Variants in SYCP1 observed in about 807,000 individuals in gnomAD.
SYCP1 encodes the protein synaptonemal complex protein 1.
Under a neutral mutation model 153.1 loss-of-function variants are expected in SYCP1, and 64 were observed. The ratio of observed to expected loss-of-function variants is 0.42; its 90% confidence interval spans 0.34 to 0.51. The LOEUF is 0.51. SYCP1 is among the 20% of genes least tolerant of loss of function. SYCP1 has a pLI of 0.06. For missense variants in SYCP1, 997 were observed against 1,049.0 expected, an observed-to-expected ratio of 0.95 and a Z score of 0.68; for synonymous variants, 384 against 341.8, an observed-to-expected ratio of 1.12 and a Z score of -1.36.
intron 27 of SYCP1, among the ~76,000 whole-genome samples, chr1:114,966,337 G>C (rs960653291): frequency 6.6e-6 from 1 of 151,244 alleles, no homozygotes; most frequent in Non-Finnish European, 1.5e-5. Flanking sequence ...TTCATGTCTC[G>C]ATGTCCTTCA....
intron 27 of SYCP1, among the ~76,000 whole-genome samples, chr1:114,966,051 T>G (rs1356841021): frequency 2.0e-5 from 3 of 152,196 alleles, no homozygotes; most frequent in African/African-American, 7.2e-5. Context: ...GGGATTTGAC[T>G]TCTCCCTGGT....
chr1:114,931,372 A>C (rs1669619045), intron 23 of SYCP1, among the ~76,000 whole-genome samples: 3 of 152,140 alleles, frequency 2.0e-5, no homozygotes. Context: ...AGATTAGTAA[A>C]TGAATTTGAC....
At chr1:114,981,660 A>C (rs2101950064) in intron 29 of SYCP1, 148 bp downstream of exon 29, 2 of 731,304 alleles carry the variant, frequency 2.7e-6, no homozygotes, top group East Asian at 5.9e-5. Flanking sequence ...ATGAAATGTA[A>C]AGACAAGGTC....
chr1:114,922,834 C>A (rs1434614246), intron 20 of SYCP1, among the ~76,000 whole-genome samples: 1 of 152,132 alleles, frequency 6.6e-6, no homozygotes, highest in Non-Finnish European at 1.5e-5. Context: ...TGAGACAAGG[C>A]AAATCCCCTC....
chr1:114,945,219 A>G (rs1670633944), intron 25 of SYCP1, among the ~76,000 whole-genome samples: 1 of 151,996 alleles, frequency 6.6e-6, no homozygotes, highest in Non-Finnish European at 1.5e-5. Context: ...ATCTGTGATG[A>G]ATGGAAGTAA....
intron 16 of SYCP1, among the ~76,000 whole-genome samples, chr1:114,898,681 T>C (rs1326654254): frequency 1.3e-5 from 2 of 152,182 alleles, no homozygotes; most frequent in Admixed American, 6.5e-5. Flanking sequence ...AAAAAACAAA[T>C]CATGATAGGA....
chr1:114,857,382 ATTG>A, intron 4 of SYCP1, 59 bp from the exon 5 acceptor site: 2 of 1,529,546 alleles, frequency 1.3e-6, no homozygotes, highest in Non-Finnish European at 1.8e-6. Flanking sequence ...TCTGTATTTA[ATTG>A]TTATTATTTA....
intron 23 of SYCP1, among the ~76,000 whole-genome samples, chr1:114,932,662 C>G (rs1258525307): frequency 6.6e-6 from 1 of 152,200 alleles, no homozygotes; most frequent in African/African-American, 2.4e-5. Flanking sequence ...CCAAGAGAAG[C>G]CGTGACTGAT....
At chr1:114,934,572 A>G (rs1258231194) in intron 23 of SYCP1, among the ~76,000 whole-genome samples, 2 of 152,330 alleles carry the variant, frequency 1.3e-5, no homozygotes, top group South Asian at 2.1e-4. Context: ...TTAACCTTAA[A>G]TGTAAATGGG....
At position 114,976,366 on chromosome 1, in the gene SYCP1, C is replaced by T. The variant is rs898644845; in HGVS notation, c.2323-1191C>T. ...TTACTTATTCAGATTAAATAGGAAC[C>T]TTAGTGGTCTGGCCATCTCTTTGGT... On this transcript the variant is annotated intron_variant, in intron 27 of 31. Coordinates refer to ENST00000369522, the MANE Select transcript of SYCP1 (RefSeq NM_003176.4). Among the ~76,000 whole-genome samples the T allele has an allele frequency of 7.9e-5, 12 of 151,858 alleles. No homozygotes were observed. In the East Asian group the frequency reaches 2.1e-3, roughly 27 times the overall value.
intron 27 of SYCP1, among the ~76,000 whole-genome samples, chr1:114,961,003 T>A (rs1671750026): frequency 6.6e-6 from 1 of 152,206 alleles, no homozygotes; most frequent in Admixed American, 6.6e-5. Context: ...ATTGGCAGTT[T>A]TTAAAAATTA....
At chr1:114,873,629 C>A (rs756212710) in intron 8 of SYCP1, among the ~76,000 whole-genome samples, 1 of 152,190 alleles carries the variant, frequency 6.6e-6, no homozygotes, top group East Asian at 1.9e-4. Context: ...TAGTTCAAAA[C>A]GGCTTTTCCT....
intron 13 of SYCP1, 53 bp from the exon 14 acceptor site, chr1:114,886,072 T>C: frequency 7.8e-7 from 1 of 1,274,144 alleles, no homozygotes; most frequent in Non-Finnish European, 1.1e-6. Context: ...GTTCAGCTTT[T>C]TTGGTTAAGG....
intron 30 of SYCP1, among the ~76,000 whole-genome samples, chr1:114,987,867 G>T (rs1265317670): frequency 1.4e-5 from 2 of 148,128 alleles, no homozygotes; most frequent in Non-Finnish European, 3.0e-5. Context: ...CATGGACAAA[G>T]AAAAAAAAAC....
intron 16 of SYCP1, among the ~76,000 whole-genome samples, chr1:114,900,584 T>C (rs1660217688): frequency 6.6e-6 from 1 of 152,242 alleles, no homozygotes. Context: ...CCTAGCCTCT[T>C]ATAACCTTTT....
chr1:114,983,974 C>T (rs1570916767), intron 29 of SYCP1, among the ~76,000 whole-genome samples: 1 of 151,894 alleles, frequency 6.6e-6, no homozygotes. Context: ...GATCATGGCC[C>T]ACTGCTACCT....
chr1:114,960,163 G>GTTTTTTT (rs757126453), intron 27 of SYCP1, among the ~76,000 whole-genome samples: 13 of 109,470 alleles, frequency 1.2e-4, no homozygotes, highest in African/African-American at 3.5e-4. Context: ...TAGTTTGCTT[G>GTTTTTTT]TTTTTTTTTT....
At chr1:114,955,524 T>C (rs1671380135) in intron 27 of SYCP1, among the ~76,000 whole-genome samples, 1 of 152,230 alleles carries the variant, frequency 6.6e-6, no homozygotes, top group Admixed American at 6.5e-5. Flanking sequence ...AGTGAAACTA[T>C]CCAGGCTTGT....
rs376562029 is a variant in SYCP1, at chr1:114,981,554, T to A, written c.2559+42T>A. On this transcript the variant is annotated intron_variant, in intron 29 of 31. Transcript: ENST00000369522. ...TCCATGTTAGTAGTAATTTTTTAAA[T>A]AAATAAATAAAGTTCTGTTATCACC... is the stretch of plus-strand genomic sequence containing the variant. 628 of 1,507,900 alleles carry A rather than the reference T, an allele frequency of 4.2e-4. 1 individual carries two copies. The highest frequency in any genetic ancestry group is 5.4e-4 in the Non-Finnish European group (600 of 1,118,128). The allele number at this position is 1,507,900 out of a possible 1,614,324, so 93.4% of individuals were successfully genotyped here.
Sources: gnomAD v4.1 joint callset for allele counts (sites outside exome capture counted in the v4.1 genomes callset) on GRCh38, gnomAD v4.1.1 for gene constraint, MANE v1.5 for transcripts, NCBI Gene and HGNC (gene_info 2026-07-23, HGNC 2026-07-21) for gene names.